Variants in VPS26C observed in about 807,000 individuals in gnomAD.
VPS26C encodes the protein VPS26 endosomal protein sorting factor C, also known as vacuolar protein sorting-associated protein 26C.
Under a neutral mutation model 30.6 loss-of-function variants are expected in VPS26C, and 19 were observed. The ratio of observed to expected loss-of-function variants is 0.62; its 90% CI spans 0.43 to 0.91. The LOEUF is 0.91. VPS26C is among the 40% of genes least tolerant of loss of function. VPS26C has a pLI of 0.00. For missense variants in VPS26C, 318 were observed against 385.1 expected, an observed-to-expected ratio of 0.83 and a Z score of 1.46; for synonymous variants, 132 against 151.5, an observed-to-expected ratio of 0.87 and a Z score of 0.95.
upstream of VPS26C, chr21:37,267,685 C>T (rs2086384916): frequency 3.5e-6 from 1 of 284,934 alleles, no homozygotes; most frequent in Admixed American, 5.0e-5. Flanking sequence ...CGGAGCCGAG[C>T]CTGTCTGTCG....
Position 37,245,145 on chromosome 21 carries a change from A to G in VPS26C, c.58-4506T>C, listed in dbSNP as rs375706367. ...CCAGCAGAGGAGCACATGACATCTA[A>G]TGGATTAAAAAATGAGAGTGGGAAG... On this transcript the variant is annotated intron_variant, in intron 1 of 7. Transcript: ENST00000309117. Among the ~76,000 whole-genome samples, 28 of 152,352 alleles carry G rather than the reference A, an allele frequency of 1.8e-4. No homozygotes were observed. The East Asian group carries it at 4.2e-3, about 23-fold the overall frequency.
intron 1 of VPS26C, among the ~76,000 whole-genome samples, chr21:37,254,157 C>T (rs1035476974): frequency 1.3e-5 from 2 of 152,124 alleles, no homozygotes; most frequent in African/African-American, 4.8e-5. Context: ...TAGAGCCAGC[C>T]CACACTTATA....
At chr21:37,258,579 G>A (rs2086271093) in intron 1 of VPS26C, among the ~76,000 whole-genome samples, 1 of 152,182 alleles carries the variant, frequency 6.6e-6, no homozygotes, top group Non-Finnish European at 1.5e-5. Context: ...TTAACAGGCA[G>A]AAGGTGTAGG....
intron 1 of VPS26C, chr21:37,266,838 T>C (rs1352641452): frequency 4.0e-6 from 1 of 251,436 alleles, no homozygotes; most frequent in Non-Finnish European, 7.6e-6. Flanking sequence ...CATTAGACCT[T>C]TGCGGTCACC....
At chr21:37,266,995 G>A in intron 1 of VPS26C, 1 of 566,512 alleles carries the variant, frequency 1.8e-6, no homozygotes, top group Non-Finnish European at 3.2e-6. Flanking sequence ...CGCCTGCCCT[G>A]CACGTCCCGC....
chr21:37,253,296 C>A (rs552959637), intron 1 of VPS26C, among the ~76,000 whole-genome samples: 11 of 152,306 alleles, frequency 7.2e-5, no homozygotes, highest in African/African-American at 2.6e-4. Context: ...TTGGACATGG[C>A]AGGGAACACA....
In VPS26C at chr21:37,257,527, G is replaced by C. The variant is rs1279423987; in HGVS notation, c.57+9711C>G. On this transcript the variant is annotated intron_variant, in intron 1 of 7. Coordinates refer to ENST00000309117, the MANE Select transcript of VPS26C (RefSeq NM_006052.2). The surrounding 1 kb of genome is among the most constrained non-coding windows in gnomAD (Gnocchi z 4.2). ...GGTTGGGGTGGGGGTGTAGCCACAT[G>C]CAGTAAAAGCACTGCCTGTCTGTAT... Among the ~76,000 whole-genome samples, 6 of 152,232 alleles carry C rather than the reference G, an allele frequency of 3.9e-5. No individual in the cohort carries two copies. The East Asian group carries it at 1.2e-3, about 29-fold the overall frequency.
chr21:37,255,360 T>A (rs1237505849), intron 1 of VPS26C, among the ~76,000 whole-genome samples: 2 of 152,142 alleles, frequency 1.3e-5, no homozygotes, highest in Non-Finnish European at 2.9e-5. Flanking sequence ...ATGCCTGGCA[T>A]GTGACAGTAA....
At chr21:37,251,160 C>A (rs1188068273) in intron 1 of VPS26C, among the ~76,000 whole-genome samples, 2 of 152,118 alleles carry the variant, frequency 1.3e-5, no homozygotes, top group African/African-American at 2.4e-5. Context: ...AATGTTGCAA[C>A]CTCGTGCCGG....
chr21:37,224,959 C>T lies in VPS26C; in HGVS notation c.*585G>A, dbSNP rs1164058718. 6.5e-6 allele frequency: 1 copy of T among 153,198 alleles called. No individual in the cohort carries two copies. Among genetic ancestry groups the T allele is most frequent in the African/African-American group, 2.4e-5 (1 of 41,458 alleles). 9.5% of individuals were successfully genotyped at this position (153,198 alleles called of 1,614,324 possible). On this transcript the variant is annotated 3_prime_UTR_variant, in exon 8 of 8. Coordinates refer to ENST00000309117, the MANE Select transcript of VPS26C (RefSeq NM_006052.2). Reference sequence around the variant, plus strand: ...AGATCACTCCAGCCTGGGTGACAGACTGAGACTCCGTCTCAGAAACAAAAC... The same window carrying T: ...AGATCACTCCAGCCTGGGTGACAGATTGAGACTCCGTCTCAGAAACAAAAC...
chr21:37,230,584 C>G (rs1296918306), intron 5 of VPS26C: 1 of 152,196 alleles, frequency 6.6e-6, no homozygotes, highest in East Asian at 1.9e-4. Flanking sequence ...AACAATAAAC[C>G]TGAATGGTTC....
rs902719904 is a variant in VPS26C, at chr21:37,226,330, G to C, written c.812-704C>G. On this transcript the variant is annotated intron_variant, in intron 7 of 7. Transcript: ENST00000309117. This position sits in a 1 kb window ranked among gnomAD's most constrained non-coding sequence, Gnocchi z 4.1. ...CCCCACACTGTGGCAGCTCAGCTGT[G>C]GAAGGGGCCTTGGAGTCAGTGCCCA... The C allele has an allele frequency of 4.6e-5, 7 of 152,378 alleles. No individual in the cohort carries two copies. The highest frequency in any genetic ancestry group is 1.7e-4 in the African/African-American group (7 of 41,466). 9.4% of individuals were successfully genotyped at this position (152,378 alleles called of 1,614,324 possible).
chr21:37,249,060 T>C (rs1602278764), intron 1 of VPS26C, among the ~76,000 whole-genome samples: 2 of 152,130 alleles, frequency 1.3e-5, no homozygotes, highest in Admixed American at 6.6e-5. Context: ...TTGATAAAAT[T>C]CTTAGTAAAA....
At chr21:37,232,535 C>G in intron 4 of VPS26C, 84 bp from the exon 5 acceptor site, 1 of 1,173,364 alleles carries the variant, frequency 8.5e-7, no homozygotes, top group East Asian at 2.3e-5. Flanking sequence ...CAAAAATAAA[C>G]CAACGGCAGC....
chr21:37,244,254 T>C (rs529792463), intron 1 of VPS26C, among the ~76,000 whole-genome samples: 1 of 152,340 alleles, frequency 6.6e-6, no homozygotes, highest in African/African-American at 2.4e-5. Context: ...TTTTCTAACT[T>C]TGTATTCTCT....
At chr21:37,231,322 A>G (rs1401253169) in intron 5 of VPS26C, among the ~76,000 whole-genome samples, 1 of 152,232 alleles carries the variant, frequency 6.6e-6, no homozygotes, top group Non-Finnish European at 1.5e-5. Context: ...TATCCCGAAG[A>G]AGAAACGGTG....
rs143978358 is a variant in VPS26C at position 37,262,230 on chromosome 21, G to A, written c.57+5008C>T. 4.3e-4 allele frequency among the ~76,000 whole-genome samples: 65 copies of A among 152,288 alleles called. No homozygotes were observed. The East Asian group carries it at 9.7e-3, about 23-fold the overall frequency. On this transcript the variant is annotated intron_variant, in intron 1 of 7. Coordinates refer to ENST00000309117, the MANE Select transcript of VPS26C (RefSeq NM_006052.2). ...AAACAGTCTAAAGGACTCAGGTTGC[G>A]TCCCAAATGTCTGCAAACTCTTCTT...
rs764054487 is a variant in VPS26C at position 37,226,100 on chromosome 21, T to C, written c.812-474A>G. On this transcript the variant is annotated intron_variant, in intron 7 of 7. Coordinates refer to ENST00000309117, the MANE Select transcript of VPS26C (RefSeq NM_006052.2). The surrounding 1 kb of genome is among the most constrained non-coding windows in gnomAD (Gnocchi z 4.1). ...AAGCAACAATTTCATTGTTGCTCCA[T>C]TGGATACTATTCATCCATCACCTTT... 3 of 167,792 alleles carry C rather than the reference T, an allele frequency of 1.8e-5. No homozygotes were observed. Among genetic ancestry groups the C allele is most frequent in the African/African-American group, 7.1e-5 (3 of 42,480 alleles). 10.4% of individuals were successfully genotyped at this position (167,792 alleles called of 1,614,324 possible).
intron 1 of VPS26C, among the ~76,000 whole-genome samples, chr21:37,259,826 C>A (rs2086286078): frequency 6.6e-6 from 1 of 152,090 alleles, no homozygotes; most frequent in South Asian, 2.1e-4. Flanking sequence ...ACTCATTATG[C>A]CATTTGGAGG....
Sources: gnomAD v4.1 joint callset for allele counts (sites outside exome capture counted in the v4.1 genomes callset) on GRCh38, gnomAD v4.1.1 for gene constraint, Gnocchi (gnomAD v3.1) non-coding constraint, MANE v1.5 for transcripts, NCBI Gene and HGNC (gene_info 2026-07-23, HGNC 2026-07-21) for gene names.